TOP3A: variants seen among roughly 807,000 people sequenced by gnomAD.
TOP3A encodes the protein DNA topoisomerase III alpha, also known as DNA topoisomerase 3-alpha.
TOP3A carries 64 observed loss-of-function variants against 111.3 expected under a neutral mutation model. The observed-to-expected ratio is 0.57, with a 90% CI of 0.47 to 0.71. The LOEUF is 0.71. Among genes scored for constraint, TOP3A ranks in the 30% least tolerant of loss-of-function variants. TOP3A has a pLI of 0.00. For missense variants in TOP3A, 1,104 were observed against 1,285.0 expected, an observed-to-expected ratio of 0.86 and a Z score of 2.15; for synonymous variants, 484 against 485.1, an observed-to-expected ratio of 1.00 and a Z score of 0.03.
chr17:18,286,311 G>T (rs12936769), intron 13 of TOP3A, among the ~76,000 whole-genome samples: 38,954 of 148,018 alleles, frequency 0.26, 5,430 homozygotes, highest in Non-Finnish European at 0.31. Flanking sequence ...AGACCATCCT[G>T]GCTAACACGG....
intron 9 of TOP3A, among the ~76,000 whole-genome samples, chr17:18,297,019 A>C (rs1980850363): frequency 6.6e-6 from 1 of 152,248 alleles, no homozygotes; most frequent in Non-Finnish European, 1.5e-5. Flanking sequence ...GCATATTAAA[A>C]AACAGGAAGA....
intron 9 of TOP3A, among the ~76,000 whole-genome samples, chr17:18,295,221 C>T (rs1480472867): frequency 1.3e-5 from 2 of 152,136 alleles, no homozygotes; most frequent in African/African-American, 2.4e-5. Flanking sequence ...AGCATGATCT[C>T]GGCCCACTGC....
At chr17:18,277,365 A>T (rs770722823) in intron 18 of TOP3A, among the ~76,000 whole-genome samples, 1 of 152,196 alleles carries the variant, frequency 6.6e-6, no homozygotes. Flanking sequence ...TTTCTCACTT[A>T]TAAGTAAAAT....
At chr17:18,308,203 C>T (rs991224049) in intron 3 of TOP3A, 148 bp downstream of exon 3, 3 of 466,566 alleles carry the variant, frequency 6.4e-6, no homozygotes, top group Non-Finnish European at 1.1e-5. Context: ...CAGAGTCTCA[C>T]TCTGAAACTT....
Position 18,274,837 on chromosome 17 carries a change from C to A in TOP3A, c.2971G>T (p.Gly991Ter). ...TGAGGACAAAAGGGACGGGTGTGTC[C>A]AGGCTGGTGGCAAAGGCTGCATTTC... The part of the protein sequence containing the change: ...PRKCSLCHQP[G>*]HTRPFCPQNR Residue 991 changes from glycine (G) to a stop codon, truncating the protein, a stop_gained, in exon 19 of 19, where the codon GGA (glycine) becomes TGA (stop). Transcript: ENST00000321105. LOFTEE classifies it high-confidence loss of function. 1 of 1,614,152 alleles carries A rather than the reference C, an allele frequency of 6.2e-7. No individual in the cohort carries two copies. The highest frequency in any genetic ancestry group is 8.5e-7 in the Non-Finnish European group (1 of 1,180,024).
In TOP3A at chr17:18,314,688, G is replaced by C; in HGVS notation, c.91C>G (p.Arg31Gly). ...FSRAAMEMAL[R>G]GVRKVLCVAE... ...ACACAGAGGACTTTCCGCACGCCTCGGAGGGCCATCTCCATGGCGGCGCGG... is the reference window on the plus strand; with the variant it reads ...ACACAGAGGACTTTCCGCACGCCTCCGAGGGCCATCTCCATGGCGGCGCGG... The change falls in exon 1 of 19, where the codon CGA becomes GGA. Residue 31 changes from arginine to glycine, a missense_variant. Physicochemically the swap from Arg to Gly is moderately radical, Grantham distance 125 (BLOSUM62 -2). Coordinates refer to ENST00000321105, the MANE Select transcript of TOP3A (RefSeq NM_004618.5). 1 of 1,612,370 alleles carries C rather than the reference G, an allele frequency of 6.2e-7. No individual in the cohort carries two copies. The highest frequency in any genetic ancestry group is 8.5e-7 in the Non-Finnish European group (1 of 1,179,240).
intron 4 of TOP3A, 105 bp from the exon 5 acceptor site, chr17:18,305,325 AGT>A: frequency 1.1e-6 from 1 of 918,866 alleles, no homozygotes; most frequent in Non-Finnish European, 1.7e-6. Context: ...CTGCTCTTGG[AGT>A]GTGACAACTT....
chr17:18,302,140 C>A lies in TOP3A; in HGVS notation c.814+124G>T, dbSNP rs1411962763. 8 of 1,381,498 alleles carry A rather than the reference C, an allele frequency of 5.8e-6. No individual in the cohort carries two copies. The African/African-American group carries it at 1.0e-4, about 18-fold the overall frequency. The allele number at this position is 1,381,498 out of a possible 1,614,324, so 85.6% of individuals were successfully genotyped here. A position where few individuals can be genotyped will look rare whatever the true frequency, so the allele number is the denominator to read the frequency against. ...GGAACTTTAAGTGGATTGTAATGGG[C>A]CAGGGAGGATGACAGCAAGACTAAA... On this transcript the variant is annotated intron_variant, in intron 7 of 18. Coordinates refer to ENST00000321105, the MANE Select transcript of TOP3A (RefSeq NM_004618.5).
chr17:18,290,546 G>A lies in TOP3A; in HGVS notation c.1597+11C>T, dbSNP rs754479459. On this transcript the variant is annotated intron_variant, in intron 13 of 18. Coordinates refer to ENST00000321105, the MANE Select transcript of TOP3A (RefSeq NM_004618.5). ...CTCAAGAGATGCGAGTTACCCAGAGGAGCCACTGACCAATGCCATGCTTCT... is the reference window on the plus strand; with the variant it reads ...CTCAAGAGATGCGAGTTACCCAGAGAAGCCACTGACCAATGCCATGCTTCT... The A allele has an allele frequency of 3.2e-6, 5 of 1,561,660 alleles. No individual in the cohort carries two copies. The highest frequency in any genetic ancestry group is 4.3e-6 in the Non-Finnish European group (5 of 1,151,980).
intron 2 of TOP3A, 69 bp downstream of exon 2, chr17:18,308,813 A>G (rs1218011430): frequency 2.0e-6 from 2 of 1,011,618 alleles, no homozygotes; most frequent in African/African-American, 1.7e-5. Flanking sequence ...GACATATTCT[A>G]CATATGACGA....
intron 18 of TOP3A, among the ~76,000 whole-genome samples, 158 bp downstream of exon 18, chr17:18,277,517 G>A (rs558105200): frequency 1.3e-5 from 2 of 152,354 alleles, no homozygotes; most frequent in African/African-American, 2.4e-5. Context: ...TCACCTTGCT[G>A]AAAGTGATCA....
rs563396327 is a variant in TOP3A, at chr17:18,299,859, C to T, written c.916-226G>A. ...ACCAAGATTGTGAAGGGCAATTTCA[C>T]AAGCCTTAAGGTGCTTCCACCAGAG... On this transcript the variant is annotated intron_variant, in intron 8 of 18. Transcript: ENST00000321105. 2.0e-5 allele frequency among the ~76,000 whole-genome samples: 3 copies of T among 152,330 alleles called. No homozygotes were observed. The South Asian group carries it at 6.2e-4, about 32-fold the overall frequency.
At chr17:18,280,461 T>C in intron 17 of TOP3A, 75 bp downstream of exon 17, 1 of 1,541,346 alleles carries the variant, frequency 6.5e-7, no homozygotes, top group Non-Finnish European at 8.8e-7. Context: ...CACTCCTCTC[T>C]GGGTTCTGGC....
chr17:18,314,198 G>A (rs1982100504), intron 1 of TOP3A, among the ~76,000 whole-genome samples: 1 of 152,140 alleles, frequency 6.6e-6, no homozygotes, highest in South Asian at 2.1e-4. Context: ...GATCGGGCAG[G>A]GCTTGAATGC....
At chr17:18,286,026 C>G (rs1980070569) in intron 13 of TOP3A, among the ~76,000 whole-genome samples, 2 of 152,120 alleles carry the variant, frequency 1.3e-5, no homozygotes, top group Admixed American at 6.5e-5. Flanking sequence ...ATGCTGAAAC[C>G]CTGTCTCTAT....
intron 10 of TOP3A, among the ~76,000 whole-genome samples, chr17:18,294,202 T>C (rs1357785554): frequency 2.6e-5 from 4 of 152,230 alleles, no homozygotes; most frequent in East Asian, 3.8e-4. Context: ...ATCTACTCTA[T>C]GGGTTTTTAC....
At chr17:18,280,753 G>A (rs1404446975) in intron 16 of TOP3A, 95 bp from the exon 17 acceptor site, 34 of 1,414,492 alleles carry the variant, frequency 2.4e-5, no homozygotes, top group Non-Finnish European at 3.2e-5. Context: ...GCTGCCCGAG[G>A]ACAACATTCC....
At position 18,274,965 on chromosome 17, in the gene TOP3A, G is replaced by C; in HGVS notation, c.2843C>G (p.Pro948Arg). Residue 948 changes from proline (P) to arginine (R), a missense_variant, in exon 19 of 19, where the codon CCG (proline) becomes CGG (arginine). Transcript: ENST00000321105. ...TCTTCCTCTGTCTCCTGTCCAGGAC[G>C]GGGCTCCAGAAGTCCCTGTCGGGAG... ...ENTAPGTSGA[P>R]SWTGDRGRTL... The C allele has an allele frequency of 2.5e-6, 4 of 1,613,676 alleles. No homozygotes were observed. The highest frequency in any genetic ancestry group is 3.4e-6 in the Non-Finnish European group (4 of 1,179,822).
chr17:18,310,337 A>G (rs1981835690), intron 1 of TOP3A, among the ~76,000 whole-genome samples: 1 of 152,060 alleles, frequency 6.6e-6, no homozygotes, highest in Non-Finnish European at 1.5e-5. Context: ...GAGGCAGGAG[A>G]ATCGCTTGAA....
Sources: allele counts gnomAD v4.1 joint callset (sites outside exome capture counted in the v4.1 genomes callset), GRCh38; gene constraint gnomAD v4.1.1; transcripts MANE v1.5; gene names NCBI Gene and HGNC (gene_info 2026-07-23, HGNC 2026-07-21).